Variants in DPP10 observed in about 807,000 individuals in gnomAD.
The protein encoded by DPP10 is inactive dipeptidyl peptidase 10.
In DPP10, 33 loss-of-function variants were observed where a neutral mutation model predicts 120.9. The observed-to-expected ratio is 0.27, with a 90% confidence interval of 0.21 to 0.37. The LOEUF (loss-of-function observed/expected upper bound fraction) is 0.37. DPP10 is among the 10% of genes least tolerant of loss of function. The pLI, the probability that DPP10 is intolerant of heterozygous loss-of-function variation, is 1.00. For synonymous variants in DPP10, 337 were observed against 326.1 expected (o/e 1.03, Z -0.36); for missense variants, 816 against 942.8 (o/e 0.87, Z 1.76).
intron 1 of DPP10, among the ~76,000 whole-genome samples, chr2:115,171,215 G>A (rs1263108161): frequency 2.0e-5 from 3 of 151,940 alleles, no homozygotes; most frequent in East Asian, 1.9e-4. Context: ...ACAAAAATTA[G>A]CCAGGTGTGG....
intron 5 of DPP10, among the ~76,000 whole-genome samples, chr2:115,541,789 G>A (rs2079185476): frequency 6.6e-6 from 1 of 151,802 alleles, no homozygotes; most frequent in Non-Finnish European, 1.5e-5. Flanking sequence ...CAAAACAAAT[G>A]ATAATCCCTT....
intron 5 of DPP10, among the ~76,000 whole-genome samples, chr2:115,630,916 A>C (rs978250958): frequency 6.6e-6 from 1 of 152,148 alleles, no homozygotes; most frequent in African/African-American, 2.4e-5. Context: ...TGCTGGCTGC[A>C]TAAGATGAAT....
intron 2 of DPP10, among the ~76,000 whole-genome samples, chr2:115,335,239 T>C (rs2063050970): frequency 6.6e-6 from 1 of 152,028 alleles, no homozygotes; most frequent in African/African-American, 2.4e-5. Context: ...GTTCTTCTCA[T>C]GACATGTGGG....
chr2:114,615,194 A>G (rs1693587916), intron 1 of DPP10, among the ~76,000 whole-genome samples: 1 of 152,190 alleles, frequency 6.6e-6, no homozygotes, highest in South Asian at 2.1e-4. Flanking sequence ...TAAGTAAAGA[A>G]TAAACTTGCC....
At chr2:115,469,885 A>AG (rs2074577811) in intron 3 of DPP10, among the ~76,000 whole-genome samples, 2 of 103,860 alleles carry the variant, frequency 1.9e-5, no homozygotes, top group African/African-American at 3.1e-5. Context: ...GCAACAAGAG[A>AG]AAAAAAAAAA....
intron 1 of DPP10, chr2:115,064,785 C>T (rs1352329156): frequency 1.5e-6 from 2 of 1,304,084 alleles, no homozygotes; most frequent in Non-Finnish European, 2.0e-6. Context: ...GGCTGAGGGA[C>T]CAGTAGATGG....
At chr2:115,387,623 C>T (rs2067037471) in intron 3 of DPP10, among the ~76,000 whole-genome samples, 1 of 152,108 alleles carries the variant, frequency 6.6e-6, no homozygotes, top group Non-Finnish European at 1.5e-5. Context: ...GCAATTGGTA[C>T]ATTCTTATTT....
chr2:114,699,228 C>T (rs1377349241), intron 1 of DPP10, among the ~76,000 whole-genome samples: 1 of 151,958 alleles, frequency 6.6e-6, no homozygotes, highest in Non-Finnish European at 1.5e-5. Flanking sequence ...AAGGCATGGC[C>T]CAAGCTGTAT....
chr2:114,970,400 A>G (rs576249887), intron 1 of DPP10, among the ~76,000 whole-genome samples: 1 of 152,292 alleles, frequency 6.6e-6, no homozygotes, highest in South Asian at 2.1e-4. Flanking sequence ...ACCTTATAAG[A>G]GTAAAAACTA....
chr2:114,554,835 G>T (rs745425770), intron 1 of DPP10, among the ~76,000 whole-genome samples: 50 of 152,114 alleles, frequency 3.3e-4, no homozygotes, highest in Non-Finnish European at 6.0e-4. Flanking sequence ...ACGGACATTT[G>T]CTTTTCTGAT....
At position 115,309,299 on chromosome 2, in the gene DPP10, G is replaced by T; in HGVS notation, c.121G>T (p.Val41Leu). 6.2e-7 allele frequency: 1 copy of T among 1,613,464 alleles called. No individual in the cohort carries two copies. The highest frequency in any genetic ancestry group is 8.5e-7 in the Non-Finnish European group (1 of 1,179,632). The change falls in exon 2 of 26, where the codon GTG becomes TTG. Residue 41 changes from valine to leucine, a missense_variant. Physicochemically the swap from Val to Leu is conservative, Grantham distance 32. Transcript: ENST00000410059. ...GAAGGGAATTGCTATTGCTCTGCTG[G>T]TGATTTTAGTTGTATGCTCACTCAT... ...NWKGIAIALLVILVVCSLITM... is the reference protein window; with the variant it reads ...NWKGIAIALLLILVVCSLITM...
intron 1 of DPP10, among the ~76,000 whole-genome samples, chr2:115,199,476 C>G (rs1479575632): frequency 6.6e-6 from 1 of 151,966 alleles, no homozygotes; most frequent in Non-Finnish European, 1.5e-5. Context: ...TTAAAACTTT[C>G]TACATTAAGG....
intron 1 of DPP10, among the ~76,000 whole-genome samples, chr2:115,165,959 C>G (rs778684327): frequency 6.6e-6 from 1 of 152,188 alleles, no homozygotes; most frequent in African/African-American, 2.4e-5. Flanking sequence ...CAATCTCTTA[C>G]AATTGAACGT....
intron 5 of DPP10, among the ~76,000 whole-genome samples, chr2:115,666,485 G>T (rs1446115311): frequency 6.6e-6 from 1 of 152,066 alleles, no homozygotes; most frequent in Non-Finnish European, 1.5e-5. Flanking sequence ...CTTAACACCT[G>T]GGGAATTGCA....
intron 1 of DPP10, among the ~76,000 whole-genome samples, chr2:114,600,964 C>T (rs1692314706): frequency 6.6e-6 from 1 of 151,646 alleles, no homozygotes; most frequent in South Asian, 2.1e-4. Context: ...GAGTTGATGC[C>T]AAAGACAGAC....
chr2:115,675,946 C>T (rs1318722514), intron 5 of DPP10, among the ~76,000 whole-genome samples: 1 of 152,106 alleles, frequency 6.6e-6, no homozygotes, highest in Non-Finnish European at 1.5e-5. Flanking sequence ...ACCAGCTGGA[C>T]CCAATAGTTC....
chr2:114,754,258 G>A (rs1051202293), intron 1 of DPP10, among the ~76,000 whole-genome samples: 1 of 152,092 alleles, frequency 6.6e-6, no homozygotes, highest in Non-Finnish European at 1.5e-5. Flanking sequence ...AGAGACAGGC[G>A]GACACACCTG....
intron 5 of DPP10, among the ~76,000 whole-genome samples, chr2:115,655,748 C>G (rs538951218): frequency 6.6e-6 from 1 of 151,458 alleles, no homozygotes; most frequent in Non-Finnish European, 1.5e-5. Flanking sequence ...TATAATCGCT[C>G]AACACATTCC....
chr2:115,555,762 C>G (rs1032218969), intron 5 of DPP10, among the ~76,000 whole-genome samples: 3 of 152,058 alleles, frequency 2.0e-5, no homozygotes, highest in African/African-American at 7.2e-5. Flanking sequence ...ATGGTATCCC[C>G]TAAGTACATC....
Sources: gnomAD v4.1 joint callset for allele counts (sites outside exome capture counted in the v4.1 genomes callset) on GRCh38, gnomAD v4.1.1 for gene constraint, MANE v1.5 for transcripts, NCBI Gene and HGNC (gene_info 2026-07-23, HGNC 2026-07-21) for gene names.